Variants in TRAK1 observed in about 807,000 individuals in gnomAD.
TRAK1 encodes the protein trafficking kinesin protein 1.
TRAK1 carries 33 observed loss-of-function variants against 92.1 expected under a neutral mutation model. That is an observed-to-expected ratio of 0.36 (90% CI 0.27 to 0.48). TRAK1 has a LOEUF of 0.48. TRAK1 is among the 20% of genes least tolerant of loss of function. The pLI is 0.99. For synonymous variants in TRAK1, 521 were observed against 517.3 expected, an observed-to-expected ratio of 1.01 and a Z score of -0.10; for missense variants, 1,123 against 1,257.9, an observed-to-expected ratio of 0.89 and a Z score of 1.62.
chr3:42,124,697 A>C (rs889687581), intron 1 of TRAK1, among the ~76,000 whole-genome samples: 9 of 152,322 alleles, frequency 5.9e-5, no homozygotes, highest in Middle Eastern at 3.4e-3. Flanking sequence ...CCCACAAGAC[A>C]CTTAATAAGT....
intron 2 of TRAK1, among the ~76,000 whole-genome samples, chr3:42,158,624 A>G (rs542229986): frequency 8.7e-5 from 13 of 150,168 alleles, no homozygotes; most frequent in African/African-American, 3.2e-4. Flanking sequence ...ATGGTAAAAT[A>G]CAGCTCTAAT....
chr3:42,105,447 A>C (rs1707398964), intron 1 of TRAK1, among the ~76,000 whole-genome samples: 1 of 152,256 alleles, frequency 6.6e-6, no homozygotes, highest in Non-Finnish European at 1.5e-5. Flanking sequence ...AATGAAATGA[A>C]GCAAGAAGAG....
intron 10 of TRAK1, among the ~76,000 whole-genome samples, chr3:42,196,389 G>T (rs1016933145): frequency 6.6e-6 from 1 of 152,072 alleles, no homozygotes; most frequent in African/African-American, 2.4e-5. Context: ...ACGAAATTTG[G>T]GGGGGGCCTG....
intron 2 of TRAK1, among the ~76,000 whole-genome samples, chr3:42,159,379 C>T (rs1281960868): frequency 6.6e-6 from 1 of 152,174 alleles, no homozygotes; most frequent in Non-Finnish European, 1.5e-5. Context: ...AGCTGTGATT[C>T]TCCGAGACGC....
rs568960337 is a variant in TRAK1 at position 42,202,964 on chromosome 3, A to G, written c.1744+212A>G. ...GGCTGGCAGGTGTGACAATGCACAC[A>G]TAGGCCATGAAACTCGCCGAGGAAA... On this transcript the variant is annotated intron_variant, in intron 13 of 15. Coordinates refer to ENST00000327628, the MANE Select transcript of TRAK1 (RefSeq NM_001042646.3). This position sits in a 1 kb window ranked among gnomAD's most constrained non-coding sequence, Gnocchi z 6.1. 1.5e-6 allele frequency: 2 copies of G among 1,365,304 alleles called. No individual in the cohort carries two copies. The highest frequency in any genetic ancestry group is 1.9e-5 in the South Asian group (1 of 51,858). 84.6% of individuals were successfully genotyped at this position (1,365,304 alleles called of 1,614,324 possible).
intron 2 of TRAK1, among the ~76,000 whole-genome samples, chr3:42,126,954 A>G (rs1269151288): frequency 6.6e-6 from 1 of 152,254 alleles, no homozygotes; most frequent in African/African-American, 2.4e-5. Context: ...GGATAATAAC[A>G]GAATAATCCA....
chr3:42,072,620 C>A (rs1239889740), intron 1 of TRAK1, among the ~76,000 whole-genome samples: 1 of 150,026 alleles, frequency 6.7e-6, no homozygotes, highest in Non-Finnish European at 1.5e-5. Context: ...CAGAAGGCAG[C>A]GTGGTTTGGG....
At chr3:42,145,192 T>C (rs1038083860) in intron 2 of TRAK1, among the ~76,000 whole-genome samples, 2 of 152,296 alleles carry the variant, frequency 1.3e-5, no homozygotes, top group East Asian at 3.9e-4. Flanking sequence ...TAATTAAGAA[T>C]GGGCAAAGGG....
chr3:42,049,242 A>G (rs1702887045), intron 1 of TRAK1, among the ~76,000 whole-genome samples: 1 of 152,216 alleles, frequency 6.6e-6, no homozygotes. Context: ...CTAGGTTGAA[A>G]TAATTTTCCC....
intron 12 of TRAK1, 71 bp downstream of exon 12, chr3:42,201,125 C>T: frequency 6.7e-7 from 1 of 1,502,516 alleles, no homozygotes; most frequent in Non-Finnish European, 9.2e-7. Flanking sequence ...TCTGCAGGCT[C>T]AGTAATTATT....
intron 2 of TRAK1, among the ~76,000 whole-genome samples, chr3:42,169,507 C>T (rs150228532): frequency 6.6e-6 from 1 of 152,122 alleles, no homozygotes; most frequent in Non-Finnish European, 1.5e-5. Context: ...GGCAATTCAC[C>T]TGACTTCTCA....
upstream of TRAK1, among the ~76,000 whole-genome samples, chr3:42,083,195 T>C (rs1387812747): frequency 6.6e-6 from 1 of 152,226 alleles, no homozygotes; most frequent in African/African-American, 2.4e-5. Flanking sequence ...TTGTTGTTGT[T>C]TTTTTAAAAT....
At chr3:42,118,001 G>A (rs1308928309) in intron 1 of TRAK1, among the ~76,000 whole-genome samples, 1 of 151,980 alleles carries the variant, frequency 6.6e-6, no homozygotes, top group East Asian at 1.9e-4. Context: ...TGTATTTTTA[G>A]TAGAGACGGG....
At chr3:42,033,302 C>A (rs1702216881) in intron 1 of TRAK1, among the ~76,000 whole-genome samples, 1 of 152,160 alleles carries the variant, frequency 6.6e-6, no homozygotes, top group Non-Finnish European at 1.5e-5. Flanking sequence ...TGCTGTCGTT[C>A]TGTGAATGTG....
At chr3:42,209,028 C>A (rs1008650931) in intron 13 of TRAK1, among the ~76,000 whole-genome samples, 1 of 152,190 alleles carries the variant, frequency 6.6e-6, no homozygotes, top group Admixed American at 6.5e-5. Flanking sequence ...TTATTACAGA[C>A]CTTGCATGAT....
rs192367459 is a variant in TRAK1, at chr3:42,134,836, C to T, written c.286+9222C>T. ...CCTCGTGATCCACCCACCTCGGCCT[C>T]CCACAGTGCTGGGATTACAGGCATG... On this transcript the variant is annotated intron_variant, in intron 2 of 15. Transcript: ENST00000327628. 1.3e-3 allele frequency among the ~76,000 whole-genome samples: 195 copies of T among 152,136 alleles called. 2 individuals are homozygous for T. The South Asian group carries it at 0.018, about 14-fold the overall frequency.
At chr3:42,109,567 G>A (rs1371125314) in intron 1 of TRAK1, among the ~76,000 whole-genome samples, 3 of 152,152 alleles carry the variant, frequency 2.0e-5, no homozygotes, top group South Asian at 2.1e-4. Flanking sequence ...ATGACTGATC[G>A]CTTTGAGTGT....
chr3:42,154,041 T>C (rs1700254651), intron 2 of TRAK1, among the ~76,000 whole-genome samples: 1 of 152,104 alleles, frequency 6.6e-6, no homozygotes, highest in Admixed American at 6.6e-5. Context: ...TATAGTAAAA[T>C]AGAGATAATG....
intron 2 of TRAK1, among the ~76,000 whole-genome samples, chr3:42,155,540 G>C (rs1386396018): frequency 6.6e-6 from 1 of 152,144 alleles, no homozygotes; most frequent in Non-Finnish European, 1.5e-5. Flanking sequence ...AGCTTGTTTT[G>C]TCTGTTTGAG....
Sources: gnomAD v4.1 joint callset for allele counts (sites outside exome capture counted in the v4.1 genomes callset) on GRCh38, gnomAD v4.1.1 for gene constraint, Gnocchi (gnomAD v3.1) non-coding constraint, MANE v1.5 for transcripts, NCBI Gene and HGNC (gene_info 2026-07-23, HGNC 2026-07-21) for gene names.